The following NTN1 variants were observed in gnomAD, a reference collection of about 807,000 sequenced individuals.
The protein encoded by NTN1 is netrin 1.
NTN1 carries 11 observed loss-of-function variants against 54.2 expected under a neutral mutation model. The ratio of observed to expected loss-of-function variants is 0.20; its 90% CI spans 0.13 to 0.34. The LOEUF (loss-of-function observed/expected upper bound fraction) is 0.34, where lower values mean the gene tolerates loss of function less well. Ranked by LOEUF, NTN1 falls within the 10% of genes least tolerant of loss-of-function variation. The pLI is 1.00. For missense variants in NTN1, 740 were observed against 893.1 expected (o/e 0.83, Z 2.18); for synonymous variants, 371 against 382.0 (o/e 0.97, Z 0.33).
chr17:9,204,489 T>TTCA (rs1555576190), intron 5 of NTN1, among the ~76,000 whole-genome samples: 1 of 152,032 alleles, frequency 6.6e-6, no homozygotes, highest in African/African-American at 2.4e-5. Flanking sequence ...GAGACAGGGT[T>TTCA]TCGCCACACT....
chr17:9,050,355 C>T (rs2091956542), intron 2 of NTN1, among the ~76,000 whole-genome samples: 1 of 151,770 alleles, frequency 6.6e-6, no homozygotes. Flanking sequence ...GTAGAAGGAA[C>T]TTGGGCTTTG....
At chr17:9,091,666 T>C (rs1218104046) in intron 2 of NTN1, among the ~76,000 whole-genome samples, 2 of 151,898 alleles carry the variant, frequency 1.3e-5, no homozygotes, top group Non-Finnish European at 2.9e-5. Flanking sequence ...TTGGTCAGGC[T>C]GGTCTCGAAC....
intron 2 of NTN1, among the ~76,000 whole-genome samples, chr17:9,056,152 G>A (rs926797089): frequency 7.9e-5 from 12 of 152,144 alleles, no homozygotes; most frequent in Non-Finnish European, 1.8e-4. Context: ...CGCCTCCCGG[G>A]TTCAAGCAAT....
At chr17:9,183,083 G>A in intron 5 of NTN1, 114 bp downstream of exon 5, 1 of 1,083,686 alleles carries the variant, frequency 9.2e-7, no homozygotes, top group Non-Finnish European at 1.4e-6. Flanking sequence ...CACTGTCCGG[G>A]CTCTGCTCCG....
In NTN1 at chr17:9,218,732, C is replaced by G. The variant is rs150324678; in HGVS notation, c.1412-2436C>G. Among the ~76,000 whole-genome samples, 53 of 152,268 alleles carry G rather than the reference C, an allele frequency of 3.5e-4. No homozygotes were observed. The East Asian group carries it at 5.2e-3, about 15-fold the overall frequency. ...TCTAAGCTAGGCACCGCAGTCCCTC[C>G]CTCAAAGCATCAGATGAGGCTCGGA... On this transcript the variant is annotated intron_variant, in intron 5 of 6. Transcript: ENST00000173229.
chr17:9,105,648 GTCTCTCTCTCTTTCTCTC>G (rs1157878565), intron 2 of NTN1, among the ~76,000 whole-genome samples: 3 of 149,782 alleles, frequency 2.0e-5, no homozygotes, highest in Non-Finnish European at 3.0e-5. Context: ...GATCTGTTCT[GTCTCTCTCTCTTTCTCTC>G]TCTCTCTCTC....
intron 2 of NTN1, among the ~76,000 whole-genome samples, chr17:9,023,933 T>C (rs1326407631): frequency 6.6e-6 from 1 of 152,258 alleles, no homozygotes; most frequent in Admixed American, 6.5e-5. Flanking sequence ...GATTTGAAAC[T>C]ATTTTTGTCT....
At chr17:9,008,792 G>A in the NTN1 span, among the ~76,000 whole-genome samples, 1 of 152,230 alleles carries the variant, frequency 6.6e-6, no homozygotes, top group East Asian at 1.9e-4. Context: ...GATACTTACA[G>A]AGGTGAAGTG....
chr17:9,047,287 A>G (rs2091944232), intron 2 of NTN1, among the ~76,000 whole-genome samples: 1 of 152,220 alleles, frequency 6.6e-6, no homozygotes, highest in African/African-American at 2.4e-5. Context: ...TAGCTGCATA[A>G]TAGTATTTTA....
intron 2 of NTN1, among the ~76,000 whole-genome samples, chr17:9,028,796 T>A (rs974222342): frequency 4.6e-5 from 7 of 152,242 alleles, no homozygotes; most frequent in African/African-American, 9.6e-5. Context: ...CACTGGATTG[T>A]TACTCATGTT....
intron 2 of NTN1, among the ~76,000 whole-genome samples, chr17:9,090,396 G>A (rs540657380): frequency 3.3e-5 from 5 of 151,950 alleles, no homozygotes; most frequent in Non-Finnish European, 5.9e-5. Context: ...GAACAGTCTC[G>A]ATCTCTTGAC....
At chr17:9,108,426 G>T (rs569706474) in intron 2 of NTN1, among the ~76,000 whole-genome samples, 1 of 152,274 alleles carries the variant, frequency 6.6e-6, no homozygotes, top group South Asian at 2.1e-4. Context: ...ACACGCAGAG[G>T]CTACTGTGAG....
At chr17:9,150,511 G>A (rs535638909) in intron 2 of NTN1, among the ~76,000 whole-genome samples, 206 of 152,326 alleles carry the variant, frequency 1.4e-3, no homozygotes, top group Middle Eastern at 6.8e-3. Flanking sequence ...CAGAGGCTCC[G>A]GACTGGAACG....
At chr17:9,027,565 A>G (rs536594701) in intron 2 of NTN1, among the ~76,000 whole-genome samples, 3 of 152,306 alleles carry the variant, frequency 2.0e-5, no homozygotes, top group East Asian at 1.9e-4. Context: ...TGATATATCC[A>G]TGTGTAGGAG....
the NTN1 span, among the ~76,000 whole-genome samples, chr17:9,005,486 C>CT: frequency 3.3e-4 from 50 of 151,986 alleles, no homozygotes; most frequent in Non-Finnish European, 6.2e-4. Flanking sequence ...TGCCCCACAG[C>CT]TTCCCTACGT....
At chr17:9,121,792 T>C (rs914840612) in intron 2 of NTN1, among the ~76,000 whole-genome samples, 31 of 152,174 alleles carry the variant, frequency 2.0e-4, no homozygotes, top group African/African-American at 6.3e-4. Context: ...CCCTCCCACT[T>C]ACAAAAAAGA....
intron 2 of NTN1, among the ~76,000 whole-genome samples, chr17:9,151,230 G>A (rs2142288965): frequency 6.6e-6 from 1 of 152,290 alleles, no homozygotes; most frequent in African/African-American, 2.4e-5. Flanking sequence ...CCTTTCCCAA[G>A]CCCCACAGGT....
intron 2 of NTN1, among the ~76,000 whole-genome samples, chr17:9,078,810 A>G (rs919298362): frequency 1.3e-5 from 2 of 152,218 alleles, no homozygotes; most frequent in African/African-American, 4.8e-5. Context: ...TGAGTCAGGC[A>G]GACAAAAAGT....
At chr17:9,122,177 A>G (rs1361095711) in intron 2 of NTN1, among the ~76,000 whole-genome samples, 2 of 151,950 alleles carry the variant, frequency 1.3e-5, no homozygotes, top group African/African-American at 4.8e-5. Flanking sequence ...AGCTGGGACT[A>G]CAGGTGCCCG....
Sources: gnomAD v4.1 joint callset for allele counts (sites outside exome capture counted in the v4.1 genomes callset) on GRCh38, gnomAD v4.1.1 for gene constraint, MANE v1.5 for transcripts, NCBI Gene and HGNC (gene_info 2026-07-23, HGNC 2026-07-21) for gene names.